Variants in SDHAF3 observed in about 807,000 individuals in gnomAD.
SDHAF3 encodes succinate dehydrogenase assembly factor 3, mitochondrial.
In SDHAF3, 18 loss-of-function variants were observed where a neutral mutation model predicts 11.5. The ratio of observed to expected loss-of-function variants is 1.56; its 90% CI spans 1.08 to 2.32. The LOEUF (loss-of-function observed/expected upper bound fraction) is 2.32, where lower values mean the gene tolerates loss of function less well. Among genes scored for constraint, SDHAF3 ranks in the 30% most tolerant of loss-of-function variants. The pLI, the probability that SDHAF3 is intolerant of heterozygous loss-of-function variation, is 0.00. For missense variants in SDHAF3, 200 were observed against 154.4 expected (o/e 1.30, Z -1.57); for synonymous variants, 72 against 59.3 (o/e 1.21, Z -0.99).
chr7:97,123,209 T>C (rs1037041118), intron 1 of SDHAF3, among the ~76,000 whole-genome samples: 6 of 152,068 alleles, frequency 3.9e-5, no homozygotes, highest in Admixed American at 3.9e-4. Flanking sequence ...TGTGTTCTCA[T>C]TGTTCAATTC....
chr7:97,147,261 G>A (rs1789150364), intron 1 of SDHAF3, among the ~76,000 whole-genome samples: 2 of 152,182 alleles, frequency 1.3e-5, no homozygotes, highest in African/African-American at 4.8e-5. Flanking sequence ...ATTGTTTTCA[G>A]AAGTTGAGAT....
chr7:97,140,319 G>A (rs752545152), intron 1 of SDHAF3, among the ~76,000 whole-genome samples: 2 of 145,466 alleles, frequency 1.4e-5, no homozygotes, highest in African/African-American at 5.1e-5. Context: ...TTTCCCTCAA[G>A]TTGTATTTTT....
chr7:97,122,469 C>T (rs769795663), intron 1 of SDHAF3, among the ~76,000 whole-genome samples: 3 of 149,948 alleles, frequency 2.0e-5, no homozygotes, highest in Non-Finnish European at 4.4e-5. Context: ...TAAACCAAGA[C>T]AGAGGCCTTG....
chr7:97,174,870 C>T (rs1251768172), intron 1 of SDHAF3, among the ~76,000 whole-genome samples: 1 of 152,164 alleles, frequency 6.6e-6, no homozygotes, highest in Non-Finnish European at 1.5e-5. Flanking sequence ...TTTATTACTT[C>T]TGAGACTGGC....
rs186351656 is a variant in SDHAF3, at chr7:97,127,522, T to C, written c.174+9625T>C. Among the ~76,000 whole-genome samples, 137 of 152,354 alleles carry C rather than the reference T, an allele frequency of 9.0e-4. 1 individual carries two copies. Among genetic ancestry groups the C allele is most frequent in the Non-Finnish European group, 1.4e-3 (97 of 68,034 alleles). On this transcript the variant is annotated intron_variant, in intron 1 of 1. Transcript: ENST00000432641. ...ATATGATTTTGAAGTGGATCATCAT[T>C]TGTATGTATGTATCATATATACACA...
At position 97,181,306 on chromosome 7, in the gene SDHAF3, A is replaced by T. The variant is rs544945917; in HGVS notation, c.*91A>T. ...TTTGAAATATATTTAAGCTTTGAAA[A>T]CACCTGTTATTAATGAAATACTCTT... On this transcript the variant is annotated 3_prime_UTR_variant, in exon 2 of 2. Coordinates refer to ENST00000432641, the MANE Select transcript of SDHAF3 (RefSeq NM_020186.3). 2 of 899,616 alleles carry T rather than the reference A, an allele frequency of 2.2e-6. No homozygotes were observed. The highest frequency in any genetic ancestry group is 5.3e-5 in the East Asian group (2 of 37,514). The allele number at this position is 899,616 out of a possible 1,614,324, so 55.7% of individuals were successfully genotyped here. A position where few individuals can be genotyped will look rare whatever the true frequency, so the allele number is the denominator to read the frequency against.
chr7:97,155,891 A>AC (rs11432739), intron 1 of SDHAF3, among the ~76,000 whole-genome samples: 150,486 of 152,220 alleles, frequency 0.99, 74,411 homozygotes, highest in East Asian at 1. Flanking sequence ...TTCATTAATA[A>AC]AGTAGATATC....
intron 1 of SDHAF3, among the ~76,000 whole-genome samples, chr7:97,137,836 T>C (rs1262563909): frequency 1.3e-5 from 2 of 151,140 alleles, no homozygotes; most frequent in Non-Finnish European, 2.9e-5. Flanking sequence ...CCATGTCACT[T>C]GCCATTCCTT....
intron 1 of SDHAF3, among the ~76,000 whole-genome samples, chr7:97,120,878 C>T (rs966873386): frequency 5.3e-5 from 8 of 152,072 alleles, no homozygotes; most frequent in Admixed American, 1.3e-4. Context: ...CATTTGTGAT[C>T]CTGGAAAACT....
At chr7:97,149,683 G>A (rs190087265) in intron 1 of SDHAF3, among the ~76,000 whole-genome samples, 1 of 152,298 alleles carries the variant, frequency 6.6e-6, no homozygotes, top group African/African-American at 2.4e-5. Context: ...CTGTCAGCAA[G>A]TCATAATATT....
intron 1 of SDHAF3, among the ~76,000 whole-genome samples, chr7:97,166,979 T>A (rs1172931682): frequency 6.6e-6 from 1 of 152,232 alleles, no homozygotes. Context: ...ATCAAAATAC[T>A]AATTTGACTG....
rs920272382 is a variant in SDHAF3, at chr7:97,168,443, GTAAAC to G, written c.175-12564_175-12560del. 1.7e-4 allele frequency among the ~76,000 whole-genome samples: 26 copies of G among 152,304 alleles called. No individual in the cohort carries two copies. In the South Asian group the frequency reaches 3.9e-3, roughly 23 times the overall value. ...GATTGTGTTATATTTGTTTAAAACTGTAAACTAAATTCTCCCAAAGTTAATTCAAC... is the reference window on the plus strand; with the variant it reads ...GATTGTGTTATATTTGTTTAAAACTGTAAATTCTCCCAAAGTTAATTCAAC... On this transcript the variant is annotated intron_variant, in intron 1 of 1. Transcript: ENST00000432641.
chr7:97,162,251 T>C (rs1789425427), intron 1 of SDHAF3, among the ~76,000 whole-genome samples: 1 of 152,190 alleles, frequency 6.6e-6, no homozygotes, highest in Non-Finnish European at 1.5e-5. Flanking sequence ...TGTGTTCATA[T>C]CCTTTGCCCA....
At chr7:97,136,740 A>G (rs1208409953) in intron 1 of SDHAF3, among the ~76,000 whole-genome samples, 1 of 152,214 alleles carries the variant, frequency 6.6e-6, no homozygotes, top group African/African-American at 2.4e-5. Flanking sequence ...TTAAAAAAGT[A>G]GATGTATATG....
At chr7:97,142,700 GA>G (rs2115670835) in intron 1 of SDHAF3, 1 of 152,032 alleles carries the variant, frequency 6.6e-6, no homozygotes, top group Admixed American at 6.6e-5. Flanking sequence ...GTCAGGGAGA[GA>G]AAAGGAGACA....
In SDHAF3 at chr7:97,117,810, C is replaced by G. The variant is rs1389444983; in HGVS notation, c.87C>G (p.Ser29=). The change falls in exon 1 of 2, where the codon TCC becomes TCG. Residue 29 remains serine, a synonymous_variant. Transcript: ENST00000432641. The stretch of plus-strand genomic sequence containing the variant: ...GTGTTCTGCCCCCGGACCTCAAATC[C>G]CTGGGCGACCAGTACGTGAAAGACG... ...LHRVLPPDLK[S]LGDQYVKDEF... The G allele has an allele frequency of 6.2e-7, 1 of 1,614,244 alleles. No individual in the cohort carries two copies. The highest frequency in any genetic ancestry group is 1.7e-5 in the Admixed American group (1 of 60,034).
chr7:97,136,187 A>G (rs1791766031), intron 1 of SDHAF3, among the ~76,000 whole-genome samples: 2 of 152,206 alleles, frequency 1.3e-5, no homozygotes, highest in South Asian at 4.1e-4. Flanking sequence ...AACTAACTAT[A>G]ACTAATTTAA....
intron 1 of SDHAF3, among the ~76,000 whole-genome samples, chr7:97,134,773 T>C (rs1021025653): frequency 6.6e-6 from 1 of 152,188 alleles, no homozygotes; most frequent in African/African-American, 2.4e-5. Flanking sequence ...TTTAAAATGT[T>C]TGGACATTTT....
chr7:97,158,930 G>A (rs922029749), intron 1 of SDHAF3, among the ~76,000 whole-genome samples: 7 of 152,224 alleles, frequency 4.6e-5, no homozygotes, highest in East Asian at 1.9e-4. Context: ...ATGTATACAC[G>A]TGTAAACAAC....
Sources: gnomAD v4.1 joint callset for allele counts (sites outside exome capture counted in the v4.1 genomes callset) on GRCh38, gnomAD v4.1.1 for gene constraint, MANE v1.5 for transcripts, NCBI Gene and HGNC (gene_info 2026-07-23, HGNC 2026-07-21) for gene names.